UBR2: variants seen among roughly 807,000 people sequenced by gnomAD.
UBR2 encodes the protein E3 ubiquitin-protein ligase UBR2.
A neutral mutation model predicts 247.9 loss-of-function variants in UBR2; 92 were observed. The ratio of observed to expected loss-of-function variants is 0.37; its 90% CI spans 0.31 to 0.44. The LOEUF (loss-of-function observed/expected upper bound fraction) is 0.44, where lower values mean the gene tolerates loss of function less well. Ranked by LOEUF, UBR2 falls within the 20% of genes least tolerant of loss-of-function variation. The probability of loss-of-function intolerance (pLI) is 1.00; values close to 1 mark genes in which losing one functional copy is unlikely to be tolerated. For missense variants in UBR2, 1,613 were observed against 2,112.6 expected, an observed-to-expected ratio of 0.76 and a Z score of 4.64; for synonymous variants, 672 against 693.5, an observed-to-expected ratio of 0.97 and a Z score of 0.49.
chr6:42,596,660 A>G (rs1239232845), intron 4 of UBR2, among the ~76,000 whole-genome samples: 2 of 152,238 alleles, frequency 1.3e-5, no homozygotes, highest in African/African-American at 2.4e-5. Flanking sequence ...ATAAAAAGGA[A>G]TGAAGAACTG....
chr6:42,635,685 C>A, intron 14 of UBR2, 139 bp downstream of exon 14: 1 of 1,016,526 alleles, frequency 9.8e-7, no homozygotes. Flanking sequence ...TCCTTCTCCA[C>A]CTATAAACTC....
chr6:42,680,643 A>G (rs1236182037), intron 42 of UBR2, among the ~76,000 whole-genome samples: 1 of 152,186 alleles, frequency 6.6e-6, no homozygotes, highest in Admixed American at 6.5e-5. Context: ...TCAACTTTAT[A>G]TTTGAGAAAA....
At position 42,564,055 on chromosome 6, in the gene UBR2, T is replaced by C; in HGVS notation, c.-265T>C. The stretch of plus-strand genomic sequence containing the variant: ...TAGTGGCCAGCGAGAGTGTCAGGCC[T>C]GGGGTTTTCTGTGTCCTTCCCTGGG... On this transcript the variant is annotated 5_prime_UTR_variant, in exon 1 of 47. Transcript: ENST00000372901. The C allele has an allele frequency of 2.0e-6, 1 of 506,826 alleles. No individual in the cohort carries two copies. Among genetic ancestry groups the C allele is most frequent in the Non-Finnish European group, 3.5e-6 (1 of 288,650 alleles). The allele number at this position is 506,826 out of a possible 1,614,324, so 31.4% of individuals were successfully genotyped here. A position where few individuals can be genotyped will look rare whatever the true frequency, so the allele number is the denominator to read the frequency against.
intron 20 of UBR2, 147 bp from the exon 21 acceptor site, chr6:42,645,319 C>T (rs1796690866): frequency 2.7e-6 from 2 of 744,838 alleles, no homozygotes; most frequent in Non-Finnish European, 4.3e-6. Context: ...CTGCTCTCTC[C>T]CTGGCTTATT....
At position 42,634,289 on chromosome 6, in the gene UBR2, G is replaced by A. The variant is rs186212878; in HGVS notation, c.1546-1129G>A. 13 of 424,160 alleles carry A rather than the reference G, an allele frequency of 3.1e-5. No individual in the cohort carries two copies. The East Asian group carries it at 9.8e-4, about 32-fold the overall frequency. The allele number at this position is 424,160 out of a possible 1,614,324, so 26.3% of individuals were successfully genotyped here. A position where few individuals can be genotyped will look rare whatever the true frequency, so the allele number is the denominator to read the frequency against. ...CAAAACAGAATCTAGAAGTAGAAACGAACAGGTATATTTAACCAGTTATAA... is the reference window on the plus strand; with the variant it reads ...CAAAACAGAATCTAGAAGTAGAAACAAACAGGTATATTTAACCAGTTATAA... On this transcript the variant is annotated intron_variant, in intron 13 of 46. Transcript: ENST00000372901.
At chr6:42,633,368 G>C (rs1197140493) in intron 13 of UBR2, among the ~76,000 whole-genome samples, 5 of 151,774 alleles carry the variant, frequency 3.3e-5, no homozygotes, top group Admixed American at 1.3e-4. Context: ...ACTGCTCTTG[G>C]GTTTTTTCTG....
At chr6:42,635,586 A>G in intron 14 of UBR2, 40 bp downstream of exon 14, 1 of 1,577,208 alleles carries the variant, frequency 6.3e-7, no homozygotes. Flanking sequence ...AGGAAAGTGG[A>G]AGAGGGAGGA....
chr6:42,670,499 T>A (rs926793), intron 35 of UBR2, among the ~76,000 whole-genome samples, 161 bp from the exon 36 acceptor site: 2 of 152,166 alleles, frequency 1.3e-5, no homozygotes, highest in African/African-American at 4.8e-5. Context: ...TCGTTTTTAC[T>A]TTGTAACCAA....
At chr6:42,688,682 C>T (rs1262950628) in intron 45 of UBR2, among the ~76,000 whole-genome samples, 1 of 152,192 alleles carries the variant, frequency 6.6e-6, no homozygotes. Context: ...CTGAACAAAT[C>T]CAGTCAGAAT....
In UBR2 at chr6:42,691,324, A is replaced by G. The variant is rs1399065024; in HGVS notation, c.*151A>G. The G allele has an allele frequency of 2.0e-6, 2 of 996,660 alleles. No homozygotes were observed. The highest frequency in any genetic ancestry group is 1.5e-6 in the Non-Finnish European group (1 of 683,520). The allele number at this position is 996,660 out of a possible 1,614,324, so 61.7% of individuals were successfully genotyped here. ...TTTCTGGTTCTGAGGACTGATGAAA[A>G]TCATCTTCCATCAGCAGATTTTCTT... is the stretch of plus-strand genomic sequence containing the variant. On this transcript the variant is annotated 3_prime_UTR_variant, in exon 47 of 47. Transcript: ENST00000372901.
At chr6:42,669,124 C>T (rs1798287299) in intron 34 of UBR2, among the ~76,000 whole-genome samples, 1 of 151,944 alleles carries the variant, frequency 6.6e-6, no homozygotes, top group African/African-American at 2.4e-5. Flanking sequence ...AGGGTTTTAC[C>T]ATGTTGGCCA....
In UBR2 at chr6:42,606,537, T is replaced by C. The variant is rs568233965; in HGVS notation, c.802-52T>C. On this transcript the variant is annotated intron_variant, in intron 6 of 46. Coordinates refer to ENST00000372901, the MANE Select transcript of UBR2 (RefSeq NM_001363705.2). ...CATGTTTGTTTACTGGTTTAAAAGT[T>C]ATTAATATTGAATACAATACTTTTA... 8 of 1,487,388 alleles carry C rather than the reference T, an allele frequency of 5.4e-6. No homozygotes were observed. In the East Asian group the frequency reaches 1.8e-4, roughly 34 times the overall value. The allele number at this position is 1,487,388 out of a possible 1,614,324, so 92.1% of individuals were successfully genotyped here.
chr6:42,619,422 TATATATATATATATATATATATA>T (rs1562317646), intron 11 of UBR2: 1 of 12,224 alleles, frequency 8.2e-5, no homozygotes, highest in East Asian at 3.9e-3. Flanking sequence ...CATATATATA[TATATATATATATATATATATATA>T]TATATATATT....
intron 1 of UBR2, among the ~76,000 whole-genome samples, chr6:42,572,697 A>G (rs1307204209): frequency 6.6e-6 from 1 of 151,030 alleles, no homozygotes; most frequent in Non-Finnish European, 1.5e-5. Flanking sequence ...AGTTAACTGC[A>G]TTCTAGCAGA....
At chr6:42,605,944 T>C (rs1793669413) in intron 6 of UBR2, 85 bp downstream of exon 6, 1 of 1,186,768 alleles carries the variant, frequency 8.4e-7, no homozygotes, top group East Asian at 2.5e-5. Context: ...GAGTTAAAGA[T>C]ATATATATCT....
At chr6:42,642,286 G>A in intron 17 of UBR2, 130 bp from the exon 18 acceptor site, 1 of 657,746 alleles carries the variant, frequency 1.5e-6, no homozygotes, top group Non-Finnish European at 2.7e-6. Context: ...CTAAGATAAT[G>A]TTAATTGTTA....
intron 11 of UBR2, among the ~76,000 whole-genome samples, chr6:42,622,059 A>C (rs1322894858): frequency 1.3e-5 from 2 of 151,984 alleles, no homozygotes; most frequent in South Asian, 2.1e-4. Context: ...TCTGTCACCC[A>C]GGCTAGAGCA....
chr6:42,635,186 C>T (rs1796011487), intron 13 of UBR2, among the ~76,000 whole-genome samples: 1 of 151,964 alleles, frequency 6.6e-6, no homozygotes, highest in Admixed American at 6.6e-5. Flanking sequence ...TAGATGATAC[C>T]TCTGAAATAA....
intron 34 of UBR2, among the ~76,000 whole-genome samples, chr6:42,667,762 C>CTTTT (rs1260241442): frequency 1.5e-5 from 1 of 67,114 alleles, no homozygotes; most frequent in Non-Finnish European, 3.1e-5. Context: ...ACAACTTTTT[C>CTTTT]TTTTTTTTTT....
Sources: allele counts gnomAD v4.1 joint callset (sites outside exome capture counted in the v4.1 genomes callset), GRCh38; gene constraint gnomAD v4.1.1; transcripts MANE v1.5; gene names NCBI Gene and HGNC (gene_info 2026-07-23, HGNC 2026-07-21).